TMEM123: variants seen among roughly 807,000 people sequenced by gnomAD.
TMEM123 encodes the protein porimin.
TMEM123 carries 16 observed loss-of-function variants against 19.7 expected under a neutral mutation model. That is an observed-to-expected ratio of 0.81 (90% CI 0.55 to 1.23). The LOEUF (loss-of-function observed/expected upper bound fraction) is 1.23. Among genes scored for constraint, TMEM123 ranks in the 50% most tolerant of loss-of-function variants. The pLI, the probability that TMEM123 is intolerant of heterozygous loss-of-function variation, is 0.00. For missense variants in TMEM123, 313 were observed against 257.8 expected (o/e 1.21, Z -1.47); for synonymous variants, 118 against 99.4 (o/e 1.19, Z -1.12).
intron 2 of TMEM123, among the ~76,000 whole-genome samples, chr11:102,410,436 T>C (rs1208610067): frequency 1.3e-5 from 2 of 151,948 alleles, no homozygotes; most frequent in East Asian, 3.9e-4. Context: ...CCAGGCTTCC[T>C]TACGCTTTTC....
Position 102,398,833 on chromosome 11 carries a change from C to T in TMEM123, c.*34G>A. On this transcript the variant is annotated 3_prime_UTR_variant, in exon 5 of 5. Transcript: ENST00000398136. ...CCAAAATTAATTGATAGGGCAGCAT[C>T]AATCTGTATTCCATCCTTGGTCCAT... 1.2e-6 allele frequency: 2 copies of T among 1,605,654 alleles called. No homozygotes were observed. The highest frequency in any genetic ancestry group is 1.7e-6 in the Non-Finnish European group (2 of 1,176,730).
At chr11:102,404,883 G>A (rs1283734270) in intron 2 of TMEM123, among the ~76,000 whole-genome samples, 5 of 151,790 alleles carry the variant, frequency 3.3e-5, no homozygotes, top group Non-Finnish European at 7.4e-5. Flanking sequence ...TACAGGCTAA[G>A]CCACCATGCT....
chr11:102,425,727 G>C (rs939598335), intron 2 of TMEM123, among the ~76,000 whole-genome samples: 1 of 151,812 alleles, frequency 6.6e-6, no homozygotes, highest in African/African-American at 2.4e-5. Context: ...GAGGCTACAG[G>C]CATGTGCCAC....
At position 102,440,645 on chromosome 11, in the gene TMEM123, C is replaced by T. The variant is rs572652823; in HGVS notation, c.157+8167G>A. Among the ~76,000 whole-genome samples the T allele has an allele frequency of 2.2e-4, 34 of 152,276 alleles. 1 individual carries two copies. The South Asian group carries it at 5.2e-3, about 23-fold the overall frequency. ...GATAGGAAGAAACTGCATTAACTAA[C>T]GAGCAAAATACCCAGCTAACATCAT... On this transcript the variant is annotated intron_variant, in intron 2 of 4. Coordinates refer to ENST00000398136, the MANE Select transcript of TMEM123 (RefSeq NM_052932.3).
At chr11:102,450,315 C>T (rs186971861) in intron 1 of TMEM123, among the ~76,000 whole-genome samples, 89 of 152,292 alleles carry the variant, frequency 5.8e-4, no homozygotes, top group African/African-American at 2.1e-3. Context: ...AGTTACAAGT[C>T]AAAAAAGTCC....
chr11:102,427,831 C>G (rs994542991), intron 2 of TMEM123, among the ~76,000 whole-genome samples: 7 of 149,878 alleles, frequency 4.7e-5, no homozygotes, highest in African/African-American at 1.5e-4. Flanking sequence ...GAGCAAGACT[C>G]TGTTTCAATT....
intron 2 of TMEM123, chr11:102,448,494 G>A (rs1225473737): frequency 3.0e-6 from 1 of 332,568 alleles, no homozygotes; most frequent in African/African-American, 2.1e-5. Context: ...CTTCTGTGCT[G>A]ACATTTCATA....
intron 2 of TMEM123, among the ~76,000 whole-genome samples, chr11:102,421,710 C>A (rs945394375): frequency 8.5e-5 from 13 of 152,116 alleles, no homozygotes; most frequent in Admixed American, 1.3e-4. Context: ...ACTAAAAACA[C>A]ATATTGTTTA....
At chr11:102,404,231 A>G (rs1219079047) in intron 2 of TMEM123, among the ~76,000 whole-genome samples, 2 of 152,116 alleles carry the variant, frequency 1.3e-5, no homozygotes, top group Admixed American at 6.6e-5. Flanking sequence ...ATATTATCCT[A>G]TCTTCCACAA....
In TMEM123 at chr11:102,443,992, C is replaced by G. The variant is rs554056092; in HGVS notation, c.157+4820G>C. On this transcript the variant is annotated intron_variant, in intron 2 of 4. Coordinates refer to ENST00000398136, the MANE Select transcript of TMEM123 (RefSeq NM_052932.3). ...AGAGAAATGCAAATCAAAACCACAA[C>G]GAGATACCATCTCACAGCAGTTACA... 1.6e-4 allele frequency among the ~76,000 whole-genome samples: 24 copies of G among 152,200 alleles called. No homozygotes were observed. In the South Asian group the frequency reaches 5.0e-3, roughly 32 times the overall value.
intron 2 of TMEM123, among the ~76,000 whole-genome samples, chr11:102,441,062 C>G (rs1857820782): frequency 6.6e-6 from 1 of 152,172 alleles, no homozygotes; most frequent in African/African-American, 2.4e-5. Flanking sequence ...TAGAGACCTA[C>G]AAAGAGACTC....
intron 2 of TMEM123, among the ~76,000 whole-genome samples, chr11:102,409,350 T>C (rs1951982592): frequency 6.6e-6 from 1 of 152,116 alleles, no homozygotes; most frequent in Non-Finnish European, 1.5e-5. Context: ...TTTTAAAACA[T>C]GAAAACCTTG....
rs959464013 is a variant in TMEM123 at position 102,398,296 on chromosome 11, T to A, written c.*571A>T. 3.3e-6 allele frequency: 1 copy of A among 305,776 alleles called. No homozygotes were observed. The highest frequency in any genetic ancestry group is 5.9e-6 in the Non-Finnish European group (1 of 168,864). The allele number at this position is 305,776 out of a possible 1,614,324, so 18.9% of individuals were successfully genotyped here. Reference sequence around the variant, plus strand: ...TTTTGGGTTTTATTTGAAAATTTTCTTTTTCTTGGAGTATTTTGTTTCTAG... The same window carrying A: ...TTTTGGGTTTTATTTGAAAATTTTCATTTTCTTGGAGTATTTTGTTTCTAG... On this transcript the variant is annotated 3_prime_UTR_variant, in exon 5 of 5. Coordinates refer to ENST00000398136, the MANE Select transcript of TMEM123 (RefSeq NM_052932.3).
intron 1 of TMEM123, chr11:102,449,227 A>C (rs1857914019): frequency 4.4e-6 from 1 of 225,272 alleles, no homozygotes; most frequent in Non-Finnish European, 9.2e-6. Flanking sequence ...AGTGGAGTGG[A>C]CCATTTCAGG....
intron 2 of TMEM123, among the ~76,000 whole-genome samples, chr11:102,415,628 G>A (rs1442559953): frequency 1.3e-5 from 2 of 152,130 alleles, no homozygotes; most frequent in Admixed American, 6.5e-5. Flanking sequence ...TGAAACTAAT[G>A]AAAACAAAGC....
At chr11:102,439,430 C>T (rs186210831) in intron 2 of TMEM123, among the ~76,000 whole-genome samples, 2 of 152,092 alleles carry the variant, frequency 1.3e-5, no homozygotes, top group Non-Finnish European at 2.9e-5. Flanking sequence ...GCCAGGCAAA[C>T]AGGGTCTGGA....
At chr11:102,450,483 CTCCT>C (rs1345740862) in intron 1 of TMEM123, among the ~76,000 whole-genome samples, 1 of 152,224 alleles carries the variant, frequency 6.6e-6, no homozygotes, top group Non-Finnish European at 1.5e-5. Flanking sequence ...AGTCTCCCTC[CTCCT>C]TCAACTGATA....
intron 2 of TMEM123, among the ~76,000 whole-genome samples, chr11:102,437,064 C>G (rs1857770434): frequency 6.6e-6 from 1 of 152,060 alleles, no homozygotes; most frequent in Non-Finnish European, 1.5e-5. Context: ...TTAAAAATGC[C>G]CCCAAGTTTT....
At chr11:102,434,986 A>G (rs542356193) in intron 2 of TMEM123, among the ~76,000 whole-genome samples, 1 of 151,980 alleles carries the variant, frequency 6.6e-6, no homozygotes, top group South Asian at 2.1e-4. Flanking sequence ...ACAATATACA[A>G]TAGCTTTGTG....
Sources: gnomAD v4.1 joint callset for allele counts (sites outside exome capture counted in the v4.1 genomes callset) on GRCh38, gnomAD v4.1.1 for gene constraint, MANE v1.5 for transcripts, NCBI Gene and HGNC (gene_info 2026-07-23, HGNC 2026-07-21) for gene names.